TAFA4: variants seen among roughly 807,000 people sequenced by gnomAD.
TAFA4 encodes the protein TAFA chemokine like family member 4, also known as chemokine-like protein TAFA-4.
Under a neutral mutation model 21.1 loss-of-function variants are expected in TAFA4, and 20 were observed. The observed-to-expected ratio is 0.95, with a 90% CI of 0.67 to 1.38. The LOEUF (loss-of-function observed/expected upper bound fraction) is 1.38. Ranked by LOEUF, TAFA4 falls within the 40% of genes most tolerant of loss-of-function variation. TAFA4 has a pLI of 0.00. For synonymous variants in TAFA4, 71 were observed against 67.4 expected (o/e 1.05, Z -0.26); for missense variants, 211 against 180.9 (o/e 1.17, Z -0.95).
chr3:68,852,622 C>T (rs1030677350), intron 3 of TAFA4, among the ~76,000 whole-genome samples: 1 of 152,078 alleles, frequency 6.6e-6, no homozygotes, highest in African/African-American at 2.4e-5. Flanking sequence ...CTCCCAAAAC[C>T]CCAATTAAAA....
chr3:68,790,873 C>T (rs957144296), intron 3 of TAFA4, among the ~76,000 whole-genome samples: 4 of 152,152 alleles, frequency 2.6e-5, no homozygotes, highest in African/African-American at 9.7e-5. Context: ...CCCACTTCCT[C>T]AACATACTTA....
At chr3:68,849,422 T>A (rs548800527) in intron 3 of TAFA4, among the ~76,000 whole-genome samples, 1 of 152,152 alleles carries the variant, frequency 6.6e-6, no homozygotes, top group African/African-American at 2.4e-5. Flanking sequence ...TGTTCTTGAA[T>A]CTTGAGCCAC....
chr3:68,849,022 G>A (rs1387735), intron 3 of TAFA4, among the ~76,000 whole-genome samples: 104,350 of 152,036 alleles, frequency 0.69, 36,156 homozygotes, highest in East Asian at 0.85. Context: ...CACCTAGCAT[G>A]AGCTATCCTT....
At position 68,775,577 on chromosome 3, in the gene TAFA4, G is replaced by A. The variant is rs115338756; in HGVS notation, c.131-22559C>T. On this transcript the variant is annotated intron_variant, in intron 3 of 5. Transcript: ENST00000295569. ...CCTTTGGGGAGGGGACAAGAGCAAA[G>A]AGAGAGACTTCTTCCACGTTGCAGG... Among the ~76,000 whole-genome samples, 943 of 152,302 alleles carry A rather than the reference G, an allele frequency of 6.2e-3. 3 individuals are homozygous for A. The highest frequency in any genetic ancestry group is 8.5e-3 in the Non-Finnish European group (575 of 68,026).
chr3:68,808,650 G>C (rs981507751), intron 3 of TAFA4, among the ~76,000 whole-genome samples: 2 of 152,014 alleles, frequency 1.3e-5, no homozygotes, highest in African/African-American at 4.8e-5. Flanking sequence ...TTTCCTTTAT[G>C]GTTCAGTTCA....
chr3:68,756,865 T>G (rs1469969973), intron 3 of TAFA4, among the ~76,000 whole-genome samples: 1 of 152,216 alleles, frequency 6.6e-6, no homozygotes, highest in African/African-American at 2.4e-5. Flanking sequence ...ATAATGTCAG[T>G]AAAGTAGTAT....
chr3:68,798,578 G>A (rs1485987831), intron 3 of TAFA4, among the ~76,000 whole-genome samples: 2 of 151,952 alleles, frequency 1.3e-5, no homozygotes, highest in Non-Finnish European at 2.9e-5. Context: ...GCTCATTTGG[G>A]GTATGCACAC....
chr3:68,751,833 A>G (rs765092726), intron 4 of TAFA4, among the ~76,000 whole-genome samples: 2 of 152,222 alleles, frequency 1.3e-5, no homozygotes, highest in Non-Finnish European at 2.9e-5. Flanking sequence ...TATATTTACT[A>G]TGTTACCCAC....
chr3:68,871,956 T>C (rs966862169), intron 3 of TAFA4, among the ~76,000 whole-genome samples: 6 of 152,046 alleles, frequency 3.9e-5, no homozygotes, highest in African/African-American at 1.4e-4. Flanking sequence ...ATTGGGGGAA[T>C]GTAGATTAGT....
At chr3:68,833,096 CAG>C (rs1704439432) in intron 3 of TAFA4, among the ~76,000 whole-genome samples, 2 of 152,198 alleles carry the variant, frequency 1.3e-5, no homozygotes, top group Admixed American at 6.5e-5. Flanking sequence ...ACCATTCCTC[CAG>C]GTATAGTCAC....
chr3:68,752,246 C>T lies in TAFA4; in HGVS notation c.286+617G>A, dbSNP rs536057623. 6.6e-5 allele frequency among the ~76,000 whole-genome samples: 10 copies of T among 152,298 alleles called. No homozygotes were observed. In the South Asian group the frequency reaches 8.3e-4, roughly 13 times the overall value. ...TGGGGACTGACACTTGTTTCTAACA[C>T]GGCGTCTGCTGGAAGAAGCCAGGGG... On this transcript the variant is annotated intron_variant, in intron 4 of 5. Coordinates refer to ENST00000295569, the MANE Select transcript of TAFA4 (RefSeq NM_182522.5).
At chr3:68,825,038 A>C (rs1419245473) in intron 3 of TAFA4, among the ~76,000 whole-genome samples, 2 of 152,208 alleles carry the variant, frequency 1.3e-5, no homozygotes, top group African/African-American at 2.4e-5. Context: ...ATAGGTAAAC[A>C]TGTGCCATGG....
rs760975639 is a variant in TAFA4 at position 68,885,155 on chromosome 3, G to A, written c.14+20C>T. The A allele has an allele frequency of 6.2e-7, 1 of 1,611,202 alleles. No homozygotes were observed. The highest frequency in any genetic ancestry group is 1.1e-5 in the South Asian group (1 of 90,718). ...CTTTGTAAAGATATCATGTCCAGGT[G>A]AACGTTAAAATAATCTTACCTTGGG... On this transcript the variant is annotated intron_variant, in intron 2 of 5. Transcript: ENST00000295569.
chr3:68,811,050 C>T (rs553570976), intron 3 of TAFA4, among the ~76,000 whole-genome samples: 329 of 152,272 alleles, frequency 2.2e-3, no homozygotes, highest in Middle Eastern at 6.8e-3. Flanking sequence ...CTGCTGATAC[C>T]CAGGCAAACA....
intron 3 of TAFA4, among the ~76,000 whole-genome samples, chr3:68,753,980 G>C (rs1575596022): frequency 6.6e-6 from 1 of 152,276 alleles, no homozygotes; most frequent in East Asian, 1.9e-4. Context: ...CTAAATGTGT[G>C]GTACTTTGTT....
In TAFA4 at chr3:68,732,592, A is replaced by C. The variant is rs966127545; in HGVS notation, c.*550T>G. 1.3e-5 allele frequency: 2 copies of C among 152,754 alleles called. No homozygotes were observed. The highest frequency in any genetic ancestry group is 4.8e-5 in the African/African-American group (2 of 41,450). The allele number at this position is 152,754 out of a possible 1,614,324, so 9.5% of individuals were successfully genotyped here. ...CACAATAATCCAACTATGTCCTTCT[A>C]TTCTTCAAGGGTTATAAAATAAACG... On this transcript the variant is annotated 3_prime_UTR_variant, in exon 6 of 6. Transcript: ENST00000295569.
At chr3:68,798,238 G>A (rs1703495277) in intron 3 of TAFA4, among the ~76,000 whole-genome samples, 1 of 152,180 alleles carries the variant, frequency 6.6e-6, no homozygotes, top group African/African-American at 2.4e-5. Flanking sequence ...GTACAAAGGT[G>A]AATGCAGGGG....
chr3:68,733,212 C>T, intron 5 of TAFA4, 59 bp from the exon 6 acceptor site: 1 of 1,589,818 alleles, frequency 6.3e-7, no homozygotes, highest in Non-Finnish European at 8.6e-7. Context: ...AATAACCATT[C>T]CTGCCCCCGA....
At chr3:68,880,080 A>AC (rs1559552327) in intron 3 of TAFA4, among the ~76,000 whole-genome samples, 11 of 141,698 alleles carry the variant, frequency 7.8e-5, no homozygotes, top group African/African-American at 2.6e-4. Flanking sequence ...CACACACACA[A>AC]ACACACAAAC....
Sources: allele counts gnomAD v4.1 joint callset (sites outside exome capture counted in the v4.1 genomes callset), GRCh38; gene constraint gnomAD v4.1.1; transcripts MANE v1.5; gene names NCBI Gene and HGNC (gene_info 2026-07-23, HGNC 2026-07-21).